NCKAP5: variants seen among roughly 807,000 people sequenced by gnomAD.
The protein encoded by NCKAP5 is nck-associated protein 5.
NCKAP5 carries 92 observed loss-of-function variants against 167.0 expected under a neutral mutation model. The observed-to-expected ratio is 0.55, with a 90% CI of 0.47 to 0.66. The LOEUF (loss-of-function observed/expected upper bound fraction) is 0.66, where lower values mean the gene tolerates loss of function less well. Among genes scored for constraint, NCKAP5 ranks in the 30% least tolerant of loss-of-function variants. The pLI is 0.00. For missense variants in NCKAP5, 2,378 were observed against 2,315.0 expected, an observed-to-expected ratio of 1.03 and a Z score of -0.56; for synonymous variants, 891 against 877.4, an observed-to-expected ratio of 1.02 and a Z score of -0.27.
At chr2:133,594,249 G>A in the NCKAP5 span, among the ~76,000 whole-genome samples, 1 of 152,158 alleles carries the variant, frequency 6.6e-6, no homozygotes, top group Non-Finnish European at 1.5e-5. Context: ...CACAGTGTGT[G>A]GCTGACTCTC....
At chr2:133,395,391 G>A (rs144453221) in intron 3 of NCKAP5, among the ~76,000 whole-genome samples, 2 of 152,274 alleles carry the variant, frequency 1.3e-5, no homozygotes, top group Non-Finnish European at 2.9e-5. Flanking sequence ...AGGCTTATTT[G>A]GGTCAGAACA....
chr2:132,894,449 T>TC (rs1164380382), intron 8 of NCKAP5, among the ~76,000 whole-genome samples: 1 of 152,240 alleles, frequency 6.6e-6, no homozygotes, highest in African/African-American at 2.4e-5. Flanking sequence ...GACTTTTTTT[T>TC]CTTTTCCTAC....
the NCKAP5 span, among the ~76,000 whole-genome samples, chr2:133,591,097 G>A: frequency 3.3e-5 from 5 of 152,156 alleles, no homozygotes; most frequent in Admixed American, 6.5e-5. Context: ...AGTCCACACT[G>A]CAGAGAAGCT....
intron 19 of NCKAP5, among the ~76,000 whole-genome samples, chr2:132,708,560 C>A (rs566431200): frequency 6.6e-6 from 1 of 152,234 alleles, no homozygotes; most frequent in South Asian, 2.1e-4. Context: ...CAGGCAGATT[C>A]CTAAGGCTTC....
intron 6 of NCKAP5, among the ~76,000 whole-genome samples, chr2:133,042,961 G>C (rs762088167): frequency 6.6e-6 from 1 of 151,356 alleles, no homozygotes; most frequent in Non-Finnish European, 1.5e-5. Flanking sequence ...ATAGTTGCAA[G>C]GTTATTTTTT....
chr2:133,308,235 C>T (rs1680940735), intron 3 of NCKAP5, among the ~76,000 whole-genome samples: 2 of 151,356 alleles, frequency 1.3e-5, no homozygotes, highest in South Asian at 2.1e-4. Flanking sequence ...ACTACAGGCG[C>T]CCGCCACCAC....
chr2:132,683,712 A>C (rs892651788), intron 19 of NCKAP5, among the ~76,000 whole-genome samples: 1 of 152,230 alleles, frequency 6.6e-6, no homozygotes, highest in Non-Finnish European at 1.5e-5. Context: ...TCAGCCAGCA[A>C]GTGTCACCTC....
At chr2:132,717,727 C>T (rs952415399) in intron 19 of NCKAP5, among the ~76,000 whole-genome samples, 2 of 152,130 alleles carry the variant, frequency 1.3e-5, no homozygotes. Flanking sequence ...ACTCAACTTC[C>T]CTGGCTCTTT....
intron 19 of NCKAP5, among the ~76,000 whole-genome samples, chr2:132,689,302 C>T (rs1686415918): frequency 1.3e-5 from 2 of 152,292 alleles, no homozygotes; most frequent in Admixed American, 1.3e-4. Context: ...TGTGTTACCA[C>T]ATGTACTCAC....
chr2:132,808,666 T>C (rs999301186), intron 11 of NCKAP5, among the ~76,000 whole-genome samples: 1 of 152,180 alleles, frequency 6.6e-6, no homozygotes, highest in African/African-American at 2.4e-5. Context: ...TCTTGGTTAA[T>C]CTTGCTAATG....
chr2:133,652,854 C>T, the NCKAP5 span, among the ~76,000 whole-genome samples: 2 of 152,202 alleles, frequency 1.3e-5, no homozygotes, highest in Non-Finnish European at 2.9e-5. Flanking sequence ...CTCTCTGTGT[C>T]ATTTGTCAGC....
At chr2:133,625,641 C>T in the NCKAP5 span, among the ~76,000 whole-genome samples, 2 of 152,042 alleles carry the variant, frequency 1.3e-5, no homozygotes, top group Admixed American at 6.6e-5. Context: ...GAGGCCGAGA[C>T]GGGCGGATCA....
the NCKAP5 span, among the ~76,000 whole-genome samples, chr2:133,637,200 A>C: frequency 7.9e-5 from 12 of 151,990 alleles, no homozygotes; most frequent in Non-Finnish European, 1.6e-4. Context: ...TTTAAAATAC[A>C]GATCTATTCT....
At chr2:132,805,745 A>T (rs1422713559) in intron 11 of NCKAP5, among the ~76,000 whole-genome samples, 3 of 151,668 alleles carry the variant, frequency 2.0e-5, no homozygotes, top group Admixed American at 6.6e-5. Flanking sequence ...TATTTTTAAA[A>T]AATTTAATTT....
At chr2:133,434,992 C>T (rs1690382196) in intron 3 of NCKAP5, among the ~76,000 whole-genome samples, 1 of 152,122 alleles carries the variant, frequency 6.6e-6, no homozygotes. Context: ...GAGTCTTAAC[C>T]CAAATCCAAA....
chr2:133,377,384 C>T (rs1415491859), intron 3 of NCKAP5, among the ~76,000 whole-genome samples: 2 of 152,158 alleles, frequency 1.3e-5, no homozygotes, highest in Non-Finnish European at 2.9e-5. Context: ...GTAAAAATGA[C>T]AGAGCAAGCT....
At chr2:133,325,932 T>C (rs1327471542) in intron 3 of NCKAP5, among the ~76,000 whole-genome samples, 2 of 152,216 alleles carry the variant, frequency 1.3e-5, no homozygotes, top group African/African-American at 4.8e-5. Context: ...CCGGATGTCA[T>C]CAAAAAGAAG....
intron 3 of NCKAP5, among the ~76,000 whole-genome samples, chr2:133,515,240 C>A (rs1173196719): frequency 1.3e-5 from 2 of 152,212 alleles, no homozygotes; most frequent in African/African-American, 4.8e-5. Context: ...AATACTCTAG[C>A]TGCTATTCTC....
At chr2:133,188,316 T>G (rs1195996297) in intron 5 of NCKAP5, among the ~76,000 whole-genome samples, 1 of 152,012 alleles carries the variant, frequency 6.6e-6, no homozygotes, top group Non-Finnish European at 1.5e-5. Context: ...AGACTCAGAC[T>G]CCCACACAAT....
Sources: allele counts gnomAD v4.1 joint callset (sites outside exome capture counted in the v4.1 genomes callset), GRCh38; gene constraint gnomAD v4.1.1; transcripts MANE v1.5; gene names NCBI Gene and HGNC (gene_info 2026-07-23, HGNC 2026-07-21).